Variants in ARHGAP5 observed in about 807,000 individuals in gnomAD.
The protein encoded by ARHGAP5 is Rho GTPase activating protein 5.
ARHGAP5 carries 23 observed loss-of-function variants against 116.6 expected under a neutral mutation model. That is an observed-to-expected ratio of 0.20 (90% CI 0.14 to 0.28). ARHGAP5 has a LOEUF of 0.28. Ranked by LOEUF, ARHGAP5 falls within the 10% of genes least tolerant of loss-of-function variation. The pLI is 1.00. For synonymous variants in ARHGAP5, 574 were observed against 602.0 expected, an observed-to-expected ratio of 0.95 and a Z score of 0.68; for missense variants, 1,405 against 1,774.8, an observed-to-expected ratio of 0.79 and a Z score of 3.74.
At chr14:32,105,335 T>C (rs922253294) in intron 2 of ARHGAP5, among the ~76,000 whole-genome samples, 23 of 152,234 alleles carry the variant, frequency 1.5e-4, no homozygotes, top group Non-Finnish European at 3.1e-4. Flanking sequence ...TATCATTCAT[T>C]ATTCTGCTAT....
At chr14:32,099,733 A>G (rs778076572) in intron 2 of ARHGAP5, among the ~76,000 whole-genome samples, 2 of 152,198 alleles carry the variant, frequency 1.3e-5, no homozygotes, top group Admixed American at 1.3e-4. Context: ...AAATACTCCT[A>G]TAATTTTTCA....
chr14:32,104,411 C>T (rs560361423), intron 2 of ARHGAP5, among the ~76,000 whole-genome samples: 2 of 152,256 alleles, frequency 1.3e-5, no homozygotes, highest in South Asian at 2.1e-4. Flanking sequence ...ACCTAGACCA[C>T]ATTTATTTAC....
intron 2 of ARHGAP5, among the ~76,000 whole-genome samples, chr14:32,104,106 C>G (rs901197161): frequency 6.6e-6 from 1 of 151,992 alleles, no homozygotes; most frequent in Non-Finnish European, 1.5e-5. Context: ...TTTCTAAAGG[C>G]CTGTGGATCC....
intron 3 of ARHGAP5, among the ~76,000 whole-genome samples, chr14:32,131,061 G>A (rs901513369): frequency 1.3e-5 from 2 of 152,094 alleles, no homozygotes; most frequent in Non-Finnish European, 2.9e-5. Flanking sequence ...CCACTAACAA[G>A]AACATTCTCT....
rs996319543 is a variant in ARHGAP5, at chr14:32,155,719, A to C, written c.*771A>C. The C allele has an allele frequency of 6.6e-6, 1 of 152,662 alleles. No homozygotes were observed. The highest frequency in any genetic ancestry group is 2.4e-5 in the African/African-American group (1 of 41,480). 9.5% of individuals were successfully genotyped at this position (152,662 alleles called of 1,614,324 possible). ...TAATTCTGTAAACAGATGCATGTTC[A>C]AAAGATCTATGATGGTCTTGTAATC... On this transcript the variant is annotated 3_prime_UTR_variant, in exon 7 of 7. Transcript: ENST00000345122.
Position 32,093,255 on chromosome 14 carries a change from G to A in ARHGAP5, c.2586G>A (p.Ser862=), listed in dbSNP as rs139734756. 95 of 1,613,592 alleles carry A rather than the reference G, an allele frequency of 5.9e-5. No individual in the cohort carries two copies. In the African/African-American group the frequency reaches 9.1e-4, roughly 15 times the overall value. Residue 862 remains serine (S), a synonymous_variant, in exon 2 of 7, where the codon TCG becomes TCA. Transcript: ENST00000345122. ...ILVYSAKRKA[S]MGMLRAFLSE... ...TTTACTCTGCAAAACGGAAAGCTTC[G>A]ATGGGAATGCTTCGAGCATTTCTAT...
chr14:32,095,648 A>G (rs1019873675), intron 2 of ARHGAP5, among the ~76,000 whole-genome samples: 7 of 151,968 alleles, frequency 4.6e-5, no homozygotes, highest in African/African-American at 1.7e-4. Flanking sequence ...CTGACCTCAG[A>G]TGATCCGAGG....
In ARHGAP5 at chr14:32,092,248, A is replaced by G. The variant is rs1878292535; in HGVS notation, c.1579A>G (p.Arg527Gly). 3.7e-6 allele frequency: 6 copies of G among 1,613,422 alleles called. No homozygotes were observed. The highest frequency in any genetic ancestry group is 5.1e-6 in the Non-Finnish European group (6 of 1,179,646). The change falls in exon 2 of 7, where the codon AGA becomes GGA. Residue 527 changes from arginine to glycine, a missense_variant. Arg to Gly is a moderately radical substitution (Grantham distance 125, BLOSUM62 -2). Around this residue, in one of 6 missense-constraint regions of ARHGAP5, gnomAD observed 944 missense variants for 1,095.3 expected, o/e 0.86. Coordinates refer to ENST00000345122, the MANE Select transcript of ARHGAP5 (RefSeq NM_001030055.2). The surrounding 1 kb of genome is among the most constrained non-coding windows in gnomAD (Gnocchi z 4.1). The part of the protein sequence containing the change: ...EIHTVLSEEP[R>G]YKALQKLAPD... ...TCATACAGTTCTGAGTGAAGAACCTAGATATAAAGCTTTACAGAAACTTGC... is the reference window on the plus strand; with the variant it reads ...TCATACAGTTCTGAGTGAAGAACCTGGATATAAAGCTTTACAGAAACTTGC...
intron 2 of ARHGAP5, among the ~76,000 whole-genome samples, chr14:32,113,790 TAA>T (rs1353090108): frequency 1.3e-5 from 2 of 152,222 alleles, no homozygotes; most frequent in East Asian, 3.8e-4. Flanking sequence ...GAAAAGGAGT[TAA>T]GAGGTGATTG....
In ARHGAP5 at chr14:32,083,415, A is replaced by G. The variant is rs906086468; in HGVS notation, c.-169+5980A>G. 1.2e-4 allele frequency among the ~76,000 whole-genome samples: 18 copies of G among 152,374 alleles called. No homozygotes were observed. The South Asian group carries it at 1.4e-3, about 12-fold the overall frequency. On this transcript the variant is annotated intron_variant, in intron 1 of 6. Transcript: ENST00000345122. Reference sequence around the variant, plus strand: ...ACAGCAGAGTTGAGTAGTGTGACAGACACTGTGCAGCATGCAAAGCCTAAA... The same window carrying G: ...ACAGCAGAGTTGAGTAGTGTGACAGGCACTGTGCAGCATGCAAAGCCTAAA...
At chr14:32,144,063 G>C (rs192883549) in intron 3 of ARHGAP5, among the ~76,000 whole-genome samples, 2 of 152,292 alleles carry the variant, frequency 1.3e-5, no homozygotes, top group East Asian at 3.9e-4. Context: ...GAAAGTTCCT[G>C]CTATGACTTT....
chr14:32,109,871 G>A (rs543870812), intron 2 of ARHGAP5, among the ~76,000 whole-genome samples: 6 of 152,112 alleles, frequency 3.9e-5, no homozygotes, highest in Non-Finnish European at 8.8e-5. Flanking sequence ...GTTTTCCGGA[G>A]AACTCTGAGG....
intron 3 of ARHGAP5, among the ~76,000 whole-genome samples, chr14:32,140,086 G>GTTT (rs1566681639): frequency 5.3e-4 from 23 of 43,606 alleles, no homozygotes; most frequent in East Asian, 5.1e-3. Context: ...TTTTTTTTTA[G>GTTT]GTTATTTGTT....
Position 32,117,170 on chromosome 14 carries a change from C to G in ARHGAP5, c.3748C>G (p.Pro1250Ala). The change falls in exon 3 of 7, where the codon CCA becomes GCA. Residue 1250 changes from proline (P) to alanine (A), a missense_variant. By Grantham distance (27) the Pro-to-Ala change is conservative (BLOSUM62 -1). Around this residue, in one of 6 missense-constraint regions of ARHGAP5, gnomAD observed 176 missense variants for 221.2 expected, o/e 0.80. Coordinates refer to ENST00000345122, the MANE Select transcript of ARHGAP5 (RefSeq NM_001030055.2). ...QKKKTKNFNP[P>A]TRRNWESNYF... ...AAAGAAAACTAAGAACTTCAATCCA[C>G]CAACACGTAGAAATTGGGAAAGTAA... The G allele has an allele frequency of 6.2e-7, 1 of 1,609,484 alleles. No individual in the cohort carries two copies. Among genetic ancestry groups the G allele is most frequent in the Non-Finnish European group, 8.5e-7 (1 of 1,178,046 alleles).
intron 2 of ARHGAP5, among the ~76,000 whole-genome samples, chr14:32,108,803 A>G (rs1036168048): frequency 5.3e-5 from 8 of 152,192 alleles, no homozygotes; most frequent in Non-Finnish European, 1.0e-4. Flanking sequence ...CTATACTTAC[A>G]TGAATATAAA....
intron 4 of ARHGAP5, among the ~76,000 whole-genome samples, chr14:32,148,163 A>AT (rs1555359597): frequency 4.2e-4 from 62 of 147,552 alleles, no homozygotes; most frequent in African/African-American, 1.3e-3. Flanking sequence ...AAAAAAAAGA[A>AT]ATCTATCTAT....
Position 32,094,061 on chromosome 14 carries a change from G to A in ARHGAP5, c.3392G>A (p.Gly1131Glu), listed in dbSNP as rs1210392250. The change falls in exon 2 of 7, where the codon GGA (glycine) becomes GAA (glutamate). Residue 1131 changes from glycine to glutamate, a missense_variant. Transcript: ENST00000345122. ...IRNSFVNNTQ[G>E]DEENGFSDRT... ...AACTCATTTGTAAATAACACCCAAG[G>A]AGATGAAGAAAATGGGTTTTCTGAT... is the stretch of plus-strand genomic sequence containing the variant. 1 of 1,613,910 alleles carries A rather than the reference G, an allele frequency of 6.2e-7. No individual in the cohort carries two copies. The highest frequency in any genetic ancestry group is 2.2e-5 in the East Asian group (1 of 44,888).
intron 3 of ARHGAP5, among the ~76,000 whole-genome samples, chr14:32,143,095 C>T (rs895621700): frequency 2.0e-5 from 3 of 152,030 alleles, no homozygotes; most frequent in Non-Finnish European, 4.4e-5. Flanking sequence ...AAAACTTAGG[C>T]CATTCTAAAA....
In ARHGAP5 at chr14:32,077,425, G is replaced by A. The variant is rs769303000; in HGVS notation, c.-179G>A. ...CGTTGAGGAGGAGACGGAGGAGACC[G>A]ACGTTGTTAGGTAGGACCTTGCGGA... On this transcript the variant is annotated 5_prime_UTR_variant, in exon 1 of 7. Transcript: ENST00000345122. 5 of 706,376 alleles carry A rather than the reference G, an allele frequency of 7.1e-6. No homozygotes were observed. In the South Asian group the frequency reaches 7.4e-5, roughly 10 times the overall value. 43.8% of individuals were successfully genotyped at this position (706,376 alleles called of 1,614,324 possible). A position where few individuals can be genotyped will look rare whatever the true frequency, so the allele number is the denominator to read the frequency against.
Sources: gnomAD v4.1 joint callset for allele counts (sites outside exome capture counted in the v4.1 genomes callset) on GRCh38, gnomAD v4.1.1 for gene constraint, gnomAD v4.1.1 regional missense constraint, Gnocchi (gnomAD v3.1) non-coding constraint, MANE v1.5 for transcripts, NCBI Gene and HGNC (gene_info 2026-07-23, HGNC 2026-07-21) for gene names.